The following WDR25 variants were observed in gnomAD, a reference collection of about 807,000 sequenced individuals.
The protein encoded by WDR25 is WD repeat domain 25.
A neutral mutation model predicts 47.7 loss-of-function variants in WDR25; 35 were observed. That is an observed-to-expected ratio of 0.73 (90% confidence interval 0.56 to 0.97). WDR25 has a LOEUF of 0.97. WDR25 is among the 50% of genes least tolerant of loss of function. The pLI is 0.00. For synonymous variants in WDR25, 248 were observed against 278.9 expected (o/e 0.89, Z 1.10); for missense variants, 634 against 704.7 (o/e 0.90, Z 1.14).
intron 2 of WDR25, among the ~76,000 whole-genome samples, chr14:100,406,121 G>A (rs373533444): frequency 1.3e-5 from 2 of 152,180 alleles, no homozygotes; most frequent in Non-Finnish European, 2.9e-5. Flanking sequence ...TGTCAGGCAC[G>A]TGGGGCCCAG....
chr14:100,459,947 CACAT>C (rs371659442), intron 2 of WDR25, among the ~76,000 whole-genome samples: 17 of 117,072 alleles, frequency 1.5e-4, no homozygotes, highest in East Asian at 6.9e-4. Flanking sequence ...TATACACATA[CACAT>C]ACACACACAT....
chr14:100,408,285 C>A (rs879864314), intron 2 of WDR25, among the ~76,000 whole-genome samples: 6 of 152,122 alleles, frequency 3.9e-5, no homozygotes, highest in Admixed American at 3.9e-4. Flanking sequence ...TCCCACTGCT[C>A]CCCTCCTTCA....
rs892290215 is a variant in WDR25, at chr14:100,440,474, G to A, written c.823-27547G>A. Among the ~76,000 whole-genome samples the A allele has an allele frequency of 6.6e-6, 1 of 152,222 alleles. No individual in the cohort carries two copies. The highest frequency in any genetic ancestry group is 2.4e-5 in the African/African-American group (1 of 41,462). On this transcript the variant is annotated intron_variant, in intron 2 of 6. Coordinates refer to ENST00000402312, the MANE Select transcript of WDR25 (RefSeq NM_001161476.3). The surrounding 1 kb of genome is among the most constrained non-coding windows in gnomAD (Gnocchi z 4.4). ...AAGGGCTGTAGGATGGGACCCTCAA[G>A]GTTTTGGGGCATGGGAGGGGCTGGC... is the stretch of plus-strand genomic sequence containing the variant.
intron 2 of WDR25, among the ~76,000 whole-genome samples, chr14:100,410,828 A>G (rs1478516347): frequency 1.4e-5 from 2 of 147,996 alleles, no homozygotes; most frequent in East Asian, 2.0e-4. Flanking sequence ...TGTCGCCCAC[A>G]CTGGAGTGCA....
chr14:100,380,995 CAG>C lies in WDR25; in HGVS notation c.74_75del (p.Glu25AlafsTer6). 2 of 1,614,224 alleles carry C rather than the reference CAG, an allele frequency of 1.2e-6. No individual in the cohort carries two copies. The highest frequency in any genetic ancestry group is 1.1e-5 in the South Asian group (1 of 91,086). The stretch of plus-strand genomic sequence containing the variant: ...GATGATTCGGACTCGGAGGCTGAGA[CAG>C]AGCATGCAGGAAGTTTTAATGCTAC... On this transcript the variant is annotated frameshift_variant, in exon 2 of 7. Coordinates refer to ENST00000402312, the MANE Select transcript of WDR25 (RefSeq NM_001161476.3). LOFTEE classifies it high-confidence loss of function.
At chr14:100,505,327 G>T (rs1425950915) in intron 4 of WDR25, among the ~76,000 whole-genome samples, 1 of 152,182 alleles carries the variant, frequency 6.6e-6, no homozygotes, top group African/African-American at 2.4e-5. Context: ...TGTTTTGGCA[G>T]CATTTGTTGA....
Position 100,479,023 on chromosome 14 carries a change from A to G in WDR25, c.971-4971A>G, listed in dbSNP as rs117869664. Among the ~76,000 whole-genome samples, 802 of 151,916 alleles carry G rather than the reference A, an allele frequency of 5.3e-3. 6 individuals are homozygous for G. The highest frequency in any genetic ancestry group is 7.3e-3 in the Non-Finnish European group (497 of 67,946). On this transcript the variant is annotated intron_variant, in intron 3 of 6. Coordinates refer to ENST00000402312, the MANE Select transcript of WDR25 (RefSeq NM_001161476.3). The stretch of plus-strand genomic sequence containing the variant: ...CCGGCCACTGAATGTTCTCAGCAAT[A>G]AGCGCAGTTGTCCTTGTGGGGAGAA...
At chr14:100,422,833 G>C (rs913321563) in intron 2 of WDR25, among the ~76,000 whole-genome samples, 2 of 152,180 alleles carry the variant, frequency 1.3e-5, no homozygotes, top group Non-Finnish European at 2.9e-5. Context: ...CTCCATCCTG[G>C]GGGTGGTGTT....
intron 2 of WDR25, 35 bp downstream of exon 2, chr14:100,381,781 C>T (rs752633754): frequency 2.5e-5 from 38 of 1,511,374 alleles, no homozygotes; most frequent in Non-Finnish European, 3.2e-5. Flanking sequence ...CTTTCAGATG[C>T]TCTTAGGAAT....
chr14:100,469,988 G>A (rs962333924), intron 3 of WDR25, among the ~76,000 whole-genome samples: 3 of 152,194 alleles, frequency 2.0e-5, no homozygotes, highest in Admixed American at 6.5e-5. Context: ...CCTGTCTGCT[G>A]GAGAAGACAG....
chr14:100,444,018 G>A (rs1041562097), intron 2 of WDR25, among the ~76,000 whole-genome samples: 1 of 152,168 alleles, frequency 6.6e-6, no homozygotes, highest in Non-Finnish European at 1.5e-5. Flanking sequence ...GAAGAGCCAG[G>A]CCTAGACACC....
chr14:100,451,345 G>C (rs187159035), intron 2 of WDR25, among the ~76,000 whole-genome samples: 1 of 151,614 alleles, frequency 6.6e-6, no homozygotes, highest in African/African-American at 2.4e-5. Context: ...GGGCTCAGGT[G>C]ATCCTCCCAC....
chr14:100,380,599 A>T (rs974089111), intron 1 of WDR25, among the ~76,000 whole-genome samples: 15 of 148,746 alleles, frequency 1.0e-4, no homozygotes, highest in Admixed American at 3.3e-4. Flanking sequence ...GGTTCAAGCG[A>T]TCTCCTGCCT....
rs150729521 is a variant in WDR25 at position 100,384,089 on chromosome 14, C to G, written c.822+2343C>G. Among the ~76,000 whole-genome samples, 14 of 152,336 alleles carry G rather than the reference C, an allele frequency of 9.2e-5. No homozygotes were observed. The East Asian group carries it at 2.5e-3, about 27-fold the overall frequency. On this transcript the variant is annotated intron_variant, in intron 2 of 6. Transcript: ENST00000402312. ...GGCCCCTTGGGCTGCCAGGCAGCTT[C>G]TGGGGAGCCCCACCCACTGCACTGT...
At chr14:100,505,058 A>G (rs1350333118) in intron 4 of WDR25, among the ~76,000 whole-genome samples, 1 of 152,174 alleles carries the variant, frequency 6.6e-6, no homozygotes, top group African/African-American at 2.4e-5. Context: ...ATTTGCCTAT[A>G]TAAATTTATT....
Position 100,459,916 on chromosome 14 carries a change from A to G in WDR25, c.823-8105A>G, listed in dbSNP as rs1228620154. 1.5e-3 allele frequency among the ~76,000 whole-genome samples: 147 copies of G among 99,166 alleles called. 6 individuals carry two copies. The highest frequency in any genetic ancestry group is 3.4e-3 in the Admixed American group (40 of 11,598). 65.1% of individuals were successfully genotyped at this position (99,166 alleles called of 152,430 possible). A position where few individuals can be genotyped will look rare whatever the true frequency, so the allele number is the denominator to read the frequency against. Reference sequence around the variant, plus strand: ...TGTGTATATATATATATATATATATATATATATATATATATATATATATAC... The same window carrying G: ...TGTGTATATATATATATATATATATGTATATATATATATATATATATATAC... On this transcript the variant is annotated intron_variant, in intron 2 of 6. Coordinates refer to ENST00000402312, the MANE Select transcript of WDR25 (RefSeq NM_001161476.3).
At chr14:100,516,602 T>G (rs1901503331) in intron 4 of WDR25, among the ~76,000 whole-genome samples, 1 of 152,250 alleles carries the variant, frequency 6.6e-6, no homozygotes, top group Non-Finnish European at 1.5e-5. Flanking sequence ...TTGACACTTG[T>G]ACGTTTTCAT....
intron 4 of WDR25, among the ~76,000 whole-genome samples, chr14:100,518,062 T>C (rs933980396): frequency 6.6e-6 from 1 of 152,126 alleles, no homozygotes; most frequent in African/African-American, 2.4e-5. Flanking sequence ...TCATTTACCG[T>C]TTTTTGCTGC....
chr14:100,484,144 C>T lies in WDR25; in HGVS notation c.1101+20C>T. ...GGCAAGGTAATAGCCATATTCCTAA[C>T]TTGGCCTTTCCACAGGAGAGCTTGT... On this transcript the variant is annotated intron_variant, in intron 4 of 6. Coordinates refer to ENST00000402312, the MANE Select transcript of WDR25 (RefSeq NM_001161476.3). The T allele has an allele frequency of 6.2e-7, 1 of 1,602,138 alleles. No homozygotes were observed. Among genetic ancestry groups the T allele is most frequent in the South Asian group, 1.1e-5 (1 of 88,446 alleles).
Sources: allele counts gnomAD v4.1 joint callset (sites outside exome capture counted in the v4.1 genomes callset), GRCh38; gene constraint gnomAD v4.1.1; non-coding constraint Gnocchi (gnomAD v3.1); transcripts MANE v1.5; gene names NCBI Gene and HGNC (gene_info 2026-07-23, HGNC 2026-07-21).